CSMD1: variants seen among roughly 807,000 people sequenced by gnomAD.
CSMD1 encodes the protein CUB and sushi domain-containing protein 1.
CSMD1 carries 213 observed loss-of-function variants against 417.5 expected under a neutral mutation model. The ratio of observed to expected loss-of-function variants is 0.51; its 90% CI spans 0.46 to 0.57. The LOEUF (loss-of-function observed/expected upper bound fraction) is 0.57. CSMD1 is among the 20% of genes least tolerant of loss of function. CSMD1 has a pLI of 0.00. For missense variants in CSMD1, 6,923 were observed against 4,529.7 expected, an observed-to-expected ratio of 1.53 and a Z score of -15.17; for synonymous variants, 2,862 against 1,736.8, an observed-to-expected ratio of 1.65 and a Z score of -16.11.
At chr8:4,783,971 G>C (rs1024624599) in intron 1 of CSMD1, among the ~76,000 whole-genome samples, 1 of 152,162 alleles carries the variant, frequency 6.6e-6, no homozygotes, top group African/African-American at 2.4e-5. Context: ...CCACAGATTG[G>C]ATGAGGTGCA....
chr8:4,875,405 T>A (rs1408999500), intron 1 of CSMD1, among the ~76,000 whole-genome samples: 1 of 152,084 alleles, frequency 6.6e-6, no homozygotes, highest in East Asian at 1.9e-4. Context: ...CCAGAATAAA[T>A]TGTTAAACAG....
At chr8:4,974,258 T>G (rs1485995451) in intron 1 of CSMD1, among the ~76,000 whole-genome samples, 2 of 151,852 alleles carry the variant, frequency 1.3e-5, no homozygotes, top group Admixed American at 1.3e-4. Flanking sequence ...ACTCCTGACC[T>G]CATGTGATCC....
intron 1 of CSMD1, among the ~76,000 whole-genome samples, chr8:4,700,571 T>G (rs1250495576): frequency 6.6e-6 from 1 of 152,120 alleles, no homozygotes; most frequent in South Asian, 2.1e-4. Flanking sequence ...AAGTGTGATT[T>G]GCTTAAGGTC....
intron 5 of CSMD1, among the ~76,000 whole-genome samples, chr8:3,802,566 G>A (rs1005946315): frequency 6.6e-6 from 1 of 152,110 alleles, no homozygotes; most frequent in Non-Finnish European, 1.5e-5. Context: ...ACTTAGTTAA[G>A]GGGAGAAATA....
chr8:4,917,723 G>C (rs984852464), intron 1 of CSMD1, among the ~76,000 whole-genome samples: 3 of 152,196 alleles, frequency 2.0e-5, no homozygotes, highest in Non-Finnish European at 4.4e-5. Flanking sequence ...GGGAACCCTA[G>C]AATGTGACTA....
intron 1 of CSMD1, among the ~76,000 whole-genome samples, chr8:4,727,968 A>AAC (rs1554459499): frequency 5.6e-5 from 8 of 141,908 alleles, no homozygotes; most frequent in Admixed American, 2.2e-4. Flanking sequence ...ATATATACAA[A>AAC]ATATATATGT....
At chr8:3,817,032 G>T (rs1247441196) in intron 5 of CSMD1, among the ~76,000 whole-genome samples, 3 of 152,000 alleles carry the variant, frequency 2.0e-5, no homozygotes, top group Admixed American at 2.0e-4. Context: ...ACAATTTTAG[G>T]AGATGACAAG....
intron 61 of CSMD1, 27 bp from the exon 62 acceptor site, chr8:2,961,241 G>T: frequency 7.0e-7 from 1 of 1,427,990 alleles, no homozygotes; most frequent in South Asian, 1.2e-5. Flanking sequence ...AAAAAGAAAA[G>T]AGGGCACCAG....
At chr8:4,783,529 C>T in intron 1 of CSMD1, among the ~76,000 whole-genome samples, 1 of 152,160 alleles carries the variant, frequency 6.6e-6, no homozygotes, top group East Asian at 1.9e-4. Flanking sequence ...AACGTTTATG[C>T]AAATTACATG....
chr8:3,119,144 C>A (rs144735501), intron 41 of CSMD1, among the ~76,000 whole-genome samples: 1 of 151,950 alleles, frequency 6.6e-6, no homozygotes, highest in East Asian at 1.9e-4. Flanking sequence ...CTTGCCACTG[C>A]GCTCCAGCCC....
At chr8:3,882,456 G>A (rs866667822) in intron 5 of CSMD1, among the ~76,000 whole-genome samples, 2 of 152,150 alleles carry the variant, frequency 1.3e-5, no homozygotes, top group South Asian at 2.1e-4. Flanking sequence ...CACTACGGTG[G>A]TATTACAAAT....
At chr8:3,939,313 C>T (rs1054911946) in intron 5 of CSMD1, among the ~76,000 whole-genome samples, 1 of 152,032 alleles carries the variant, frequency 6.6e-6, no homozygotes, top group Non-Finnish European at 1.5e-5. Flanking sequence ...CAATGAGATA[C>T]CACCTTACTC....
intron 2 of CSMD1, among the ~76,000 whole-genome samples, chr8:4,609,737 CAAAG>C (rs1308314868): frequency 1.3e-5 from 2 of 151,998 alleles, no homozygotes; most frequent in Non-Finnish European, 2.9e-5. Context: ...AGAAAAAAGT[CAAAG>C]AAGAAAGAAG....
rs191210489 is a variant in CSMD1 at position 4,254,596 on chromosome 8, C to G, written c.415+165357G>C. 9.3e-4 allele frequency among the ~76,000 whole-genome samples: 141 copies of G among 152,310 alleles called. 1 individual carries two copies. Among genetic ancestry groups the G allele is most frequent in the Middle Eastern group, 3.4e-3 (1 of 294 alleles). Reference sequence around the variant, plus strand: ...AGCCTTCACATTCACTCACCACTCACTTGCTGACTCACCCTGGACAACTTC... The same window carrying G: ...AGCCTTCACATTCACTCACCACTCAGTTGCTGACTCACCCTGGACAACTTC... On this transcript the variant is annotated intron_variant, in intron 3 of 69. Transcript: ENST00000635120.
intron 12 of CSMD1, among the ~76,000 whole-genome samples, chr8:3,452,135 A>G (rs563970950): frequency 1.3e-5 from 2 of 152,320 alleles, no homozygotes; most frequent in African/African-American, 2.4e-5. Context: ...ATTGTTTTAT[A>G]AGAATGCTTG....
At chr8:4,441,095 G>GTTTTTTGTTTTTTTTTTTTTT (rs1554478144) in intron 2 of CSMD1, among the ~76,000 whole-genome samples, 1 of 51,296 alleles carries the variant, frequency 1.9e-5, no homozygotes, top group African/African-American at 6.7e-5. Flanking sequence ...TAATCAAAAG[G>GTTTTTTGTTTTTTTTTTTTTT]TTTTTTTTTT....
intron 23 of CSMD1, among the ~76,000 whole-genome samples, chr8:3,335,011 G>A (rs1443253478): frequency 2.0e-5 from 3 of 152,212 alleles, no homozygotes; most frequent in Admixed American, 6.5e-5. Context: ...GTTAATTCTA[G>A]GAGATGATAC....
chr8:4,528,803 C>T (rs1280903698), intron 2 of CSMD1, among the ~76,000 whole-genome samples: 3 of 138,846 alleles, frequency 2.2e-5, no homozygotes, highest in Non-Finnish European at 4.7e-5. Flanking sequence ...CTCTCTCTCT[C>T]TCATACACAC....
At chr8:3,139,117 CA>C (rs1818285864) in intron 41 of CSMD1, among the ~76,000 whole-genome samples, 1 of 152,126 alleles carries the variant, frequency 6.6e-6, no homozygotes, top group African/African-American at 2.4e-5. Context: ...CAGCTTCGGG[CA>C]CATGTTTCAG....
Sources: gnomAD v4.1 joint callset for allele counts (sites outside exome capture counted in the v4.1 genomes callset) on GRCh38, gnomAD v4.1.1 for gene constraint, MANE v1.5 for transcripts, NCBI Gene and HGNC (gene_info 2026-07-23, HGNC 2026-07-21) for gene names.